The following BEND6 variants were observed in gnomAD, a reference collection of about 807,000 sequenced individuals.
The protein encoded by BEND6 is BEN domain containing 6.
A neutral mutation model predicts 31.8 loss-of-function variants in BEND6; 24 were observed. The ratio of observed to expected loss-of-function variants is 0.75; its 90% CI spans 0.55 to 1.06. The LOEUF (loss-of-function observed/expected upper bound fraction) is 1.06, where lower values mean the gene tolerates loss of function less well. Among genes scored for constraint, BEND6 ranks in the 50% least tolerant of loss-of-function variants. The pLI is 0.00. For missense variants in BEND6, 294 were observed against 327.4 expected, an observed-to-expected ratio of 0.90 and a Z score of 0.79; for synonymous variants, 109 against 114.6, an observed-to-expected ratio of 0.95 and a Z score of 0.31.
At chr6:57,023,138 A>G (rs1027780512) in intron 6 of BEND6, among the ~76,000 whole-genome samples, 1 of 152,200 alleles carries the variant, frequency 6.6e-6, no homozygotes. Context: ...AGTTTGGCCT[A>G]TGTGATCTAT....
intron 1 of BEND6, among the ~76,000 whole-genome samples, chr6:56,970,205 C>CT (rs905378595): frequency 3.4e-5 from 5 of 148,620 alleles, no homozygotes; most frequent in Non-Finnish European, 7.5e-5. Flanking sequence ...TTTTTTTTTT[C>CT]TTTTTTTGAG....
At chr6:56,963,543 C>T (rs1156555679) in intron 1 of BEND6, among the ~76,000 whole-genome samples, 4 of 152,130 alleles carry the variant, frequency 2.6e-5, no homozygotes, top group African/African-American at 9.7e-5. Flanking sequence ...GGTAAAACGG[C>T]TCCATGGGAG....
At chr6:56,983,716 T>G (rs983797305) in intron 2 of BEND6, among the ~76,000 whole-genome samples, 1 of 152,168 alleles carries the variant, frequency 6.6e-6, no homozygotes, top group African/African-American at 2.4e-5. Context: ...ATCCATTCAT[T>G]TATGGACACT....
intron 1 of BEND6, among the ~76,000 whole-genome samples, chr6:56,972,086 CTTTTTTTTTTTT>C (rs35524907): frequency 1.6e-5 from 1 of 62,530 alleles, no homozygotes; most frequent in South Asian, 8.5e-4. Context: ...ACTTTACTTT[CTTTTTTTTTTTT>C]TTTTTTTTTT....
chr6:56,992,351 T>G, intron 2 of BEND6, 27 bp from the exon 3 acceptor site: 1 of 1,573,050 alleles, frequency 6.4e-7, no homozygotes, highest in South Asian at 1.2e-5. Context: ...ATGAGGCTTC[T>G]TTTATTGTGC....
intron 1 of BEND6, among the ~76,000 whole-genome samples, chr6:56,979,808 G>GA (rs1424472760): frequency 6.6e-6 from 1 of 152,192 alleles, no homozygotes; most frequent in African/African-American, 2.4e-5. Flanking sequence ...TCCCTTTGCA[G>GA]AAAAAGTTTG....
intron 1 of BEND6, among the ~76,000 whole-genome samples, chr6:56,960,435 A>G (rs1361598855): frequency 2.0e-5 from 3 of 152,216 alleles, no homozygotes; most frequent in Non-Finnish European, 4.4e-5. Context: ...AAGTAAAAAG[A>G]TAAAAAAGTA....
intron 6 of BEND6, among the ~76,000 whole-genome samples, chr6:57,025,001 C>T (rs925430502): frequency 1.3e-5 from 2 of 152,146 alleles, no homozygotes; most frequent in African/African-American, 4.8e-5. Flanking sequence ...TGTTGAGAGC[C>T]TCTAATGAAT....
At chr6:56,966,982 A>G (rs1825504913) in intron 1 of BEND6, among the ~76,000 whole-genome samples, 6 of 152,200 alleles carry the variant, frequency 3.9e-5, no homozygotes, top group African/African-American at 1.4e-4. Flanking sequence ...CAGAACATGG[A>G]AATTAGAAAT....
intron 1 of BEND6, among the ~76,000 whole-genome samples, chr6:56,978,204 G>C (rs950650061): frequency 6.6e-6 from 1 of 151,948 alleles, no homozygotes; most frequent in East Asian, 1.9e-4. Context: ...GATCCCTTGA[G>C]CCCAGGACTT....
chr6:56,967,104 G>T lies in BEND6; in HGVS notation c.-101+11644G>T, dbSNP rs565921263. 3.9e-4 allele frequency among the ~76,000 whole-genome samples: 60 copies of T among 152,164 alleles called. 1 individual carries two copies. In the South Asian group the frequency reaches 7.3e-3, roughly 18 times the overall value. ...GATAGCAGGTGGAAGTATTGGCAACGGAAGGAATCTATCGGCTGGCAACAA... is the reference window on the plus strand; with the variant it reads ...GATAGCAGGTGGAAGTATTGGCAACTGAAGGAATCTATCGGCTGGCAACAA... On this transcript the variant is annotated intron_variant, in intron 1 of 6. Coordinates refer to ENST00000370746, the MANE Select transcript of BEND6 (RefSeq NM_152731.3).
intron 5 of BEND6, 125 bp from the exon 6 acceptor site, chr6:57,018,296 T>C: frequency 2.0e-6 from 2 of 1,017,900 alleles, no homozygotes; most frequent in Non-Finnish European, 2.7e-6. Flanking sequence ...CATGGGTGTT[T>C]GGGCTACTTT....
chr6:57,023,509 T>C (rs1827814162), intron 6 of BEND6, among the ~76,000 whole-genome samples: 1 of 152,216 alleles, frequency 6.6e-6, no homozygotes. Context: ...TGTGTGTCTT[T>C]ATAGGTGAAG....
At chr6:56,979,340 G>A (rs1192427208) in intron 1 of BEND6, among the ~76,000 whole-genome samples, 4 of 152,038 alleles carry the variant, frequency 2.6e-5, no homozygotes, top group Admixed American at 6.6e-5. Context: ...TCTTGGTGAT[G>A]GTTATGCAAT....
At chr6:56,960,785 A>C (rs1825260836) in intron 1 of BEND6, among the ~76,000 whole-genome samples, 3 of 152,226 alleles carry the variant, frequency 2.0e-5, no homozygotes, top group African/African-American at 7.2e-5. Context: ...AGTTCCAGAG[A>C]TTATTGATAC....
intron 4 of BEND6, among the ~76,000 whole-genome samples, chr6:57,016,776 A>C (rs544325960): frequency 6.6e-6 from 1 of 152,224 alleles, no homozygotes; most frequent in South Asian, 2.1e-4. Context: ...CTCCCATCTC[A>C]AGGTACTTAA....
At chr6:56,994,380 C>T (rs1826622304) in intron 3 of BEND6, among the ~76,000 whole-genome samples, 1 of 129,792 alleles carries the variant, frequency 7.7e-6, no homozygotes, top group Non-Finnish European at 1.6e-5. Flanking sequence ...ATGGCATGAA[C>T]CTGGGAGGCG....
intron 2 of BEND6, among the ~76,000 whole-genome samples, chr6:56,983,058 T>A (rs1035803063): frequency 1.3e-5 from 2 of 152,218 alleles, no homozygotes; most frequent in African/African-American, 2.4e-5. Flanking sequence ...TACTATTTAA[T>A]ACAAACCACA....
intron 1 of BEND6, 51 bp downstream of exon 1, chr6:56,955,511 G>A (rs1824704850): frequency 6.6e-6 from 1 of 152,302 alleles, no homozygotes; most frequent in Non-Finnish European, 1.5e-5. Flanking sequence ...GCGAGCGCCG[G>A]GAAGGGCCTT....
Sources: gnomAD v4.1 joint callset for allele counts (sites outside exome capture counted in the v4.1 genomes callset) on GRCh38, gnomAD v4.1.1 for gene constraint, MANE v1.5 for transcripts, NCBI Gene and HGNC (gene_info 2026-07-23, HGNC 2026-07-21) for gene names.